The following ZNRF1 variants were observed in gnomAD, a reference collection of about 807,000 sequenced individuals.
The protein encoded by ZNRF1 is E3 ubiquitin-protein ligase ZNRF1.
In ZNRF1, 3 loss-of-function variants were observed where a neutral mutation model predicts 18.4. The ratio of observed to expected loss-of-function variants is 0.16; its 90% CI spans 0.07 to 0.42. ZNRF1 has a LOEUF of 0.42. Among genes scored for constraint, ZNRF1 ranks in the 10% least tolerant of loss-of-function variants. ZNRF1 has a pLI of 0.99. For missense variants in ZNRF1, 310 were observed against 329.8 expected (o/e 0.94, Z 0.47); for synonymous variants, 157 against 144.2 (o/e 1.09, Z -0.64).
intron 1 of ZNRF1, among the ~76,000 whole-genome samples, chr16:75,005,605 A>G (rs1435694032): frequency 5.3e-5 from 8 of 152,244 alleles, no homozygotes. Context: ...CAATACCCAC[A>G]GTGGATGCCT....
chr16:75,028,634 T>C (rs1470989639), intron 1 of ZNRF1, among the ~76,000 whole-genome samples: 1 of 152,244 alleles, frequency 6.6e-6, no homozygotes, highest in East Asian at 1.9e-4. Context: ...TCAAGAATTC[T>C]CTTTTCTTGG....
intron 1 of ZNRF1, among the ~76,000 whole-genome samples, chr16:75,062,864 T>G (rs987266442): frequency 1.3e-5 from 2 of 152,210 alleles, no homozygotes; most frequent in Non-Finnish European, 2.9e-5. Flanking sequence ...AACTGAGGTG[T>G]CAGTTCTGAC....
At chr16:75,074,242 C>T (rs2145404246) in intron 1 of ZNRF1, among the ~76,000 whole-genome samples, 1 of 152,288 alleles carries the variant, frequency 6.6e-6, no homozygotes. Flanking sequence ...GCAGTAGAGT[C>T]AGGCCGGCAT....
chr16:75,045,090 G>C (rs2035498493), intron 1 of ZNRF1, among the ~76,000 whole-genome samples: 1 of 152,194 alleles, frequency 6.6e-6, no homozygotes, highest in South Asian at 2.1e-4. Flanking sequence ...TGGATCGTGG[G>C]TGGTGCTTGT....
chr16:75,050,895 A>C (rs1480060064), intron 1 of ZNRF1, among the ~76,000 whole-genome samples: 11 of 109,204 alleles, frequency 1.0e-4, no homozygotes, highest in Non-Finnish European at 1.7e-4. Context: ...AAAACAAAAA[A>C]AAACAAAAAA....
intron 1 of ZNRF1, among the ~76,000 whole-genome samples, chr16:75,042,471 A>T (rs2035462254): frequency 7.3e-6 from 1 of 137,548 alleles, no homozygotes; most frequent in South Asian, 2.3e-4. Flanking sequence ...TTGTAAACAC[A>T]CATATTTCTA....
intron 1 of ZNRF1, among the ~76,000 whole-genome samples, chr16:75,055,225 T>C (rs958264369): frequency 2.0e-5 from 3 of 152,248 alleles, no homozygotes; most frequent in Non-Finnish European, 4.4e-5. Context: ...AGGAACTGTT[T>C]CTCAGGTTTA....
At chr16:75,091,920 C>T (rs1032098765) in intron 1 of ZNRF1, among the ~76,000 whole-genome samples, 3 of 151,860 alleles carry the variant, frequency 2.0e-5, no homozygotes, top group African/African-American at 4.8e-5. Flanking sequence ...CATAAACAGT[C>T]GATTAAGATG....
intron 1 of ZNRF1, among the ~76,000 whole-genome samples, chr16:75,009,810 T>G (rs1016819573): frequency 6.7e-6 from 1 of 149,686 alleles, no homozygotes; most frequent in African/African-American, 2.5e-5. Flanking sequence ...TATTTTCTGT[T>G]TTTTTTTTTA....
In ZNRF1 at chr16:75,001,853, A is replaced by AT. The variant is rs1450813393; in HGVS notation, c.424+1761dup. ...TATGAGCTTGTAGTTGGATTCCAGA[A>AT]TTTCACTCTTAAGCTGTGAAACCTT... is the stretch of plus-strand genomic sequence containing the variant. On this transcript the variant is annotated intron_variant, in intron 1 of 4. Transcript: ENST00000335325. Among the ~76,000 whole-genome samples the AT allele has an allele frequency of 6.6e-5, 10 of 152,260 alleles. No individual in the cohort carries two copies. In the East Asian group the frequency reaches 1.5e-3, roughly 24 times the overall value.
chr16:75,052,373 C>T (rs1233475071), intron 1 of ZNRF1, among the ~76,000 whole-genome samples: 1 of 151,358 alleles, frequency 6.6e-6, no homozygotes, highest in African/African-American at 2.4e-5. Context: ...TGCATTCCAG[C>T]CTGAGTGACA....
rs778657257 is a variant in ZNRF1, at chr16:75,000,065, A to G, written c.394A>G (p.Ile132Val). ...GCTGGCGGATGCTCTACCTCTGCACATCGCACCCAGGTGGTTCAGCTCGCA... is the reference window on the plus strand; with the variant it reads ...GCTGGCGGATGCTCTACCTCTGCACGTCGCACCCAGGTGGTTCAGCTCGCA... ...ASLADALPLH[I>V]APRWFSSHSG... Residue 132 changes from isoleucine (I) to valine (V), a missense_variant, in exon 1 of 5, where the codon ATC becomes GTC. Around this residue, in one of 2 missense-constraint regions of ZNRF1, gnomAD observed 293 missense variants for 291.2 expected, o/e 1.01. Coordinates refer to ENST00000335325, the MANE Select transcript of ZNRF1 (RefSeq NM_032268.5). 6 of 1,602,728 alleles carry G rather than the reference A, an allele frequency of 3.7e-6. No homozygotes were observed. Among genetic ancestry groups the G allele is most frequent in the East Asian group, 2.2e-5 (1 of 44,476 alleles).
At chr16:75,053,515 G>T (rs1206324035) in intron 1 of ZNRF1, among the ~76,000 whole-genome samples, 1 of 148,232 alleles carries the variant, frequency 6.7e-6, no homozygotes, top group African/African-American at 2.5e-5. Context: ...CTTGAACCTG[G>T]GAGGCGGAGG....
Position 75,108,943 on chromosome 16 carries a change from T to C in ZNRF1, c.*1243T>C, listed in dbSNP as rs1282494735. The C allele has an allele frequency of 5.4e-6, 1 of 183,778 alleles. No individual in the cohort carries two copies. The highest frequency in any genetic ancestry group is 2.3e-5 in the African/African-American group (1 of 42,918). 11.4% of individuals were successfully genotyped at this position (183,778 alleles called of 1,614,324 possible). A position where few individuals can be genotyped will look rare whatever the true frequency, so the allele number is the denominator to read the frequency against. On this transcript the variant is annotated 3_prime_UTR_variant, in exon 5 of 5. Coordinates refer to ENST00000335325, the MANE Select transcript of ZNRF1 (RefSeq NM_032268.5). The stretch of plus-strand genomic sequence containing the variant: ...AGCATCATGGAACCAGTCAGCCCTC[T>C]GTGGAGTCATTGTGCTGGACCTCTG...
At chr16:75,010,719 G>GTTTTT (rs71158572) in intron 1 of ZNRF1, among the ~76,000 whole-genome samples, 4 of 85,048 alleles carry the variant, frequency 4.7e-5, no homozygotes, top group Admixed American at 1.4e-4. Flanking sequence ...TTGTTTTTTT[G>GTTTTT]TTTTTTTTTT....
At chr16:75,091,487 A>G (rs1187538013) in intron 1 of ZNRF1, among the ~76,000 whole-genome samples, 2 of 151,630 alleles carry the variant, frequency 1.3e-5, no homozygotes, top group African/African-American at 2.4e-5. Context: ...CTCTTGAACT[A>G]CGTGGGAGAC....
chr16:74,999,656 C>G lies in ZNRF1; in HGVS notation c.-16C>G. ...CTCGGCCTCCAGGTTCCCGCCCCAC[C>G]GGGGCCCGGGCGAGCATGGGGGGCA... On this transcript the variant is annotated 5_prime_UTR_variant, in exon 1 of 5. Coordinates refer to ENST00000335325, the MANE Select transcript of ZNRF1 (RefSeq NM_032268.5). 1 of 1,331,454 alleles carries G rather than the reference C, an allele frequency of 7.5e-7. No individual in the cohort carries two copies. Among genetic ancestry groups the G allele is most frequent in the Non-Finnish European group, 9.5e-7 (1 of 1,047,126 alleles). The allele number at this position is 1,331,454 out of a possible 1,614,324, so 82.5% of individuals were successfully genotyped here. A position where few individuals can be genotyped will look rare whatever the true frequency, so the allele number is the denominator to read the frequency against.
Position 75,050,693 on chromosome 16 carries a change from A to C in ZNRF1, c.425-42879A>C, listed in dbSNP as rs12928801. ...ACCATCCTGGCTAACACGGTGAAAC[A>C]CCGTCTCTACTAAAAAAATACAGAA... On this transcript the variant is annotated intron_variant, in intron 1 of 4. Coordinates refer to ENST00000335325, the MANE Select transcript of ZNRF1 (RefSeq NM_032268.5). 7.0e-3 allele frequency among the ~76,000 whole-genome samples: 1,059 copies of C among 151,362 alleles called. 4 individuals carry two copies. Among genetic ancestry groups the C allele is most frequent in the Middle Eastern group, 0.017 (5 of 294 alleles).
chr16:75,010,496 G>C (rs2034980798), intron 1 of ZNRF1, among the ~76,000 whole-genome samples: 1 of 152,060 alleles, frequency 6.6e-6, no homozygotes, highest in South Asian at 2.1e-4. Flanking sequence ...GCTGTTGGTA[G>C]TGCCTTACTT....
Sources: allele counts gnomAD v4.1 joint callset (sites outside exome capture counted in the v4.1 genomes callset), GRCh38; gene constraint gnomAD v4.1.1; regional missense constraint gnomAD v4.1.1; transcripts MANE v1.5; gene names NCBI Gene and HGNC (gene_info 2026-07-23, HGNC 2026-07-21).